The following DLC1 variants were observed in gnomAD, a reference collection of about 807,000 sequenced individuals.
DLC1 encodes DLC1 Rho GTPase activating protein.
A neutral mutation model predicts 140.3 loss-of-function variants in DLC1; 54 were observed. The observed-to-expected ratio is 0.38, with a 90% CI of 0.31 to 0.48. The LOEUF (loss-of-function observed/expected upper bound fraction) is 0.48, where lower values mean the gene tolerates loss of function less well. Among genes scored for constraint, DLC1 ranks in the 20% least tolerant of loss-of-function variants. DLC1 has a pLI of 0.96. For synonymous variants in DLC1, 986 were observed against 728.1 expected (o/e 1.35, Z -5.70); for missense variants, 2,536 against 1,907.0 (o/e 1.33, Z -6.14).
In DLC1 at chr8:13,499,453, T is replaced by C; in HGVS notation, c.619A>G (p.Lys207Glu). The C allele has an allele frequency of 6.2e-7, 1 of 1,614,090 alleles. No individual in the cohort carries two copies. The highest frequency in any genetic ancestry group is 8.5e-7 in the Non-Finnish European group (1 of 1,180,002). ...TTCAAAGTATCCACTGCATTTACTT[T>C]GGGTGCATCTTTTATTTCACTTAAG... is the stretch of plus-strand genomic sequence containing the variant. ...ISLSEIKDAPKVNAVDTLNVK... is the reference protein window; with the variant it reads ...ISLSEIKDAPEVNAVDTLNVK... The change falls in exon 2 of 18, where the codon AAA becomes GAA. Residue 207 changes from lysine (K) to glutamate (E), a missense_variant. Lys to Glu is a moderately conservative substitution (Grantham distance 56, BLOSUM62 1). Transcript: ENST00000276297.
chr8:13,226,553 T>G (rs916711149), intron 5 of DLC1, among the ~76,000 whole-genome samples: 1 of 152,218 alleles, frequency 6.6e-6, no homozygotes, highest in Admixed American at 6.5e-5. Flanking sequence ...AAATGTGATC[T>G]TCTCTTAGCA....
chr8:13,116,115 C>T, intron 5 of DLC1: 1 of 982,100 alleles, frequency 1.0e-6, no homozygotes, highest in Non-Finnish European at 1.2e-6. Context: ...TTTCTGACAC[C>T]CAGGGGTTGG....
intron 5 of DLC1, among the ~76,000 whole-genome samples, chr8:13,250,319 G>A (rs1188598343): frequency 6.6e-6 from 1 of 152,214 alleles, no homozygotes; most frequent in Non-Finnish European, 1.5e-5. Context: ...ACCTTGGAGA[G>A]TTCCCTATAG....
intron 1 of DLC1, among the ~76,000 whole-genome samples, chr8:13,502,123 A>G (rs901883960): frequency 1.3e-5 from 2 of 152,168 alleles, no homozygotes; most frequent in African/African-American, 4.8e-5. Flanking sequence ...TTACACAAAA[A>G]TTTTGCCTTT....
intron 1 of DLC1, among the ~76,000 whole-genome samples, chr8:13,580,488 G>C (rs570014512): frequency 5.3e-5 from 8 of 152,246 alleles, no homozygotes; most frequent in Admixed American, 1.3e-4. Context: ...TTGCCAGAAG[G>C]GGGCACAGAC....
At chr8:13,601,263 A>G (rs1397354704) in intron 1 of DLC1, among the ~76,000 whole-genome samples, 2 of 151,784 alleles carry the variant, frequency 1.3e-5, no homozygotes, top group Admixed American at 6.6e-5. Flanking sequence ...CCATAATCAG[A>G]TTTCTGACTA....
At chr8:13,297,432 A>C (rs1832007508) in intron 5 of DLC1, among the ~76,000 whole-genome samples, 1 of 151,882 alleles carries the variant, frequency 6.6e-6, no homozygotes, top group South Asian at 2.1e-4. Flanking sequence ...GTCTTGCTAA[A>C]CCCCATAAAA....
upstream of DLC1, among the ~76,000 whole-genome samples, chr8:13,516,598 T>A (rs1370788087): frequency 6.6e-6 from 1 of 152,176 alleles, no homozygotes; most frequent in African/African-American, 2.4e-5. Flanking sequence ...TGAGAAGTAG[T>A]CAAATAAAAA....
chr8:13,181,634 G>C (rs545424877), intron 5 of DLC1, among the ~76,000 whole-genome samples: 1 of 151,960 alleles, frequency 6.6e-6, no homozygotes, highest in African/African-American at 2.4e-5. Context: ...ATGGTTTACA[G>C]CTTCATCCAT....
intron 5 of DLC1, among the ~76,000 whole-genome samples, chr8:13,238,934 G>A (rs537452502): frequency 1.3e-5 from 2 of 152,324 alleles, no homozygotes; most frequent in South Asian, 2.1e-4. Flanking sequence ...GGTGTGGGGG[G>A]TGTAGGGGGA....
chr8:13,596,420 T>C (rs544067614), intron 1 of DLC1, among the ~76,000 whole-genome samples: 13 of 152,054 alleles, frequency 8.5e-5, no homozygotes, highest in African/African-American at 2.9e-4. Context: ...GGTTCTTCCA[T>C]AGAGGGTCTA....
chr8:13,489,251 C>G (rs555653203), intron 2 of DLC1, among the ~76,000 whole-genome samples: 2 of 152,126 alleles, frequency 1.3e-5, no homozygotes, highest in East Asian at 3.9e-4. Flanking sequence ...CTGGCCAGTG[C>G]TACTATTTAA....
intron 4 of DLC1, among the ~76,000 whole-genome samples, chr8:13,322,904 A>G (rs1472855026): frequency 1.3e-5 from 2 of 152,126 alleles, no homozygotes; most frequent in African/African-American, 4.8e-5. Context: ...TCCATAAGGC[A>G]CTGCAGATTC....
chr8:13,510,363 G>T (rs1461926288), intron 1 of DLC1, among the ~76,000 whole-genome samples: 2 of 152,046 alleles, frequency 1.3e-5, no homozygotes, highest in Admixed American at 6.6e-5. Context: ...TTTCAGGAGA[G>T]ATGGGGTTTC....
intron 1 of DLC1, among the ~76,000 whole-genome samples, chr8:13,520,737 A>G (rs1802739764): frequency 6.6e-6 from 1 of 152,152 alleles, no homozygotes; most frequent in South Asian, 2.1e-4. Flanking sequence ...CTAGGGTACC[A>G]TCAGAAACTC....
chr8:13,597,348 T>C (rs1240413113), intron 1 of DLC1, among the ~76,000 whole-genome samples: 2 of 152,058 alleles, frequency 1.3e-5, no homozygotes, highest in East Asian at 3.9e-4. Context: ...CCGTATTGCT[T>C]CTCCCATTTC....
At chr8:13,249,947 G>C (rs1156591797) in intron 5 of DLC1, among the ~76,000 whole-genome samples, 6 of 152,070 alleles carry the variant, frequency 3.9e-5, no homozygotes, top group Non-Finnish European at 8.8e-5. Context: ...GTTTTTGCCT[G>C]CCAGAACCCT....
intron 5 of DLC1, among the ~76,000 whole-genome samples, chr8:13,147,137 A>G (rs897787287): frequency 6.6e-6 from 1 of 152,220 alleles, no homozygotes; most frequent in Non-Finnish European, 1.5e-5. Context: ...TTGCTAGGCC[A>G]TTATAGAACT....
At position 13,401,473 on chromosome 8, in the gene DLC1, A is replaced by T. The variant is rs757032317; in HGVS notation, c.1170T>A (p.Val390=). 6.2e-7 allele frequency: 1 copy of T among 1,612,176 alleles called. No homozygotes were observed. The highest frequency in any genetic ancestry group is 1.3e-5 in the African/African-American group (1 of 74,966). Residue 390 remains valine (V), a synonymous_variant, in exon 3 of 18, where the codon GTT becomes GTA. Coordinates refer to ENST00000276297, the MANE Select transcript of DLC1 (RefSeq NM_182643.3). ...AAGTAGAAAGTGGAAAGCTCACAGG[A>T]ACGTGCCGCCGCAGGTTTGTTGGTG... is the stretch of plus-strand genomic sequence containing the variant. ...SGTPTNLRRH[V]PDLESGSESG... is the part of the protein sequence containing the mutation.
Sources: allele counts gnomAD v4.1 joint callset (sites outside exome capture counted in the v4.1 genomes callset), GRCh38; gene constraint gnomAD v4.1.1; transcripts MANE v1.5; gene names NCBI Gene and HGNC (gene_info 2026-07-23, HGNC 2026-07-21).